The following CADM2 variants were observed in gnomAD, a reference collection of about 807,000 sequenced individuals.
The protein encoded by CADM2 is immunoglobulin superfamily member 4D.
A neutral mutation model predicts 49.8 loss-of-function variants in CADM2; 12 were observed. The observed-to-expected ratio is 0.24, with a 90% CI of 0.15 to 0.39. The LOEUF (loss-of-function observed/expected upper bound fraction) is 0.39, where lower values mean the gene tolerates loss of function less well. Ranked by LOEUF, CADM2 falls within the 10% of genes least tolerant of loss-of-function variation. CADM2 has a pLI of 1.00. For synonymous variants in CADM2, 214 were observed against 175.4 expected (o/e 1.22, Z -1.74); for missense variants, 378 against 492.3 (o/e 0.77, Z 2.20).
intron 3 of CADM2, among the ~76,000 whole-genome samples, chr3:85,855,924 C>A (rs1348080052): frequency 6.6e-6 from 1 of 151,930 alleles, no homozygotes; most frequent in Admixed American, 6.6e-5. Flanking sequence ...CCATGCCCGG[C>A]CAAAAAATAT....
At chr3:85,668,798 A>C (rs2065651139) in intron 1 of CADM2, among the ~76,000 whole-genome samples, 1 of 152,042 alleles carries the variant, frequency 6.6e-6, no homozygotes, top group Non-Finnish European at 1.5e-5. Context: ...CTAATATAAT[A>C]ATTCATCTAT....
intron 4 of CADM2, among the ~76,000 whole-genome samples, chr3:85,884,223 A>C (rs983530606): frequency 2.6e-5 from 4 of 152,190 alleles, no homozygotes; most frequent in Non-Finnish European, 5.9e-5. Flanking sequence ...TGAACAAGTT[A>C]GAAGAATTTA....
At chr3:85,107,892 G>C (rs1357501499) in intron 1 of CADM2, among the ~76,000 whole-genome samples, 1 of 151,200 alleles carries the variant, frequency 6.6e-6, no homozygotes, top group Non-Finnish European at 1.5e-5. Context: ...GTATAGATAG[G>C]GTTTTGCAAT....
rs1423641954 is a variant in CADM2 at position 85,401,571 on chromosome 3, G to A, written c.62-324951G>A. 2.6e-5 allele frequency among the ~76,000 whole-genome samples: 4 copies of A among 152,126 alleles called. No individual in the cohort carries two copies. In the East Asian group the frequency reaches 7.7e-4, roughly 29 times the overall value. On this transcript the variant is annotated intron_variant, in intron 1 of 9. Coordinates refer to ENST00000383699, the MANE Select transcript of CADM2 (RefSeq NM_001167675.2). ...GCATCTATCCAAGGACACTTAGATT[G>A]AAGGAGGACATTCTGGATGCCCAGA... is the stretch of plus-strand genomic sequence containing the variant.
rs572151139 is a variant in CADM2 at position 85,449,139 on chromosome 3, T to A, written c.62-277383T>A. On this transcript the variant is annotated intron_variant, in intron 1 of 9. Coordinates refer to ENST00000383699, the MANE Select transcript of CADM2 (RefSeq NM_001167675.2). ...ATTCTCCTGGAATATTTGTATAGAA[T>A]TTTTGTATATAAAGAGATAATTCAG... Among the ~76,000 whole-genome samples the A allele has an allele frequency of 3.4e-3, 519 of 150,720 alleles. 4 individuals are homozygous for A. Among genetic ancestry groups the A allele is most frequent in the African/African-American group, 0.012 (493 of 41,368 alleles).
chr3:85,359,666 A>ATATATATT, intron 1 of CADM2, among the ~76,000 whole-genome samples: 17 of 26,554 alleles, frequency 6.4e-4, no homozygotes, highest in South Asian at 2.8e-3. Context: ...ATATATATAT[A>ATATATATT]TTTTTTTTTT....
chr3:85,013,012 C>A (rs2034069870), intron 1 of CADM2, among the ~76,000 whole-genome samples: 1 of 151,358 alleles, frequency 6.6e-6, no homozygotes, highest in South Asian at 2.1e-4. Flanking sequence ...TACCTGAAGT[C>A]TTTTTTAAGC....
At chr3:85,329,444 C>T (rs1394009523) in intron 1 of CADM2, among the ~76,000 whole-genome samples, 1 of 151,844 alleles carries the variant, frequency 6.6e-6, no homozygotes, top group Admixed American at 6.6e-5. Flanking sequence ...GTGGTGCACA[C>T]CTGTAATCCC....
At chr3:85,908,970 C>T (rs1318849830) in intron 5 of CADM2, among the ~76,000 whole-genome samples, 7 of 152,102 alleles carry the variant, frequency 4.6e-5, no homozygotes, top group African/African-American at 1.7e-4. Flanking sequence ...GTGATCCTCC[C>T]ACCTCGGCCT....
chr3:85,911,078 A>ATACT (rs1030193725), intron 5 of CADM2, among the ~76,000 whole-genome samples: 99 of 152,226 alleles, frequency 6.5e-4, no homozygotes, highest in African/African-American at 2.4e-3. Context: ...TTAAAATCAA[A>ATACT]TTATGTATTT....
Position 85,080,309 on chromosome 3 carries a change from G to A in CADM2, c.61+120641G>A, listed in dbSNP as rs201413467. Among the ~76,000 whole-genome samples, 1,103 of 151,884 alleles carry A rather than the reference G, an allele frequency of 7.3e-3. 12 individuals are homozygous for A. Among genetic ancestry groups the A allele is most frequent in the African/African-American group, 0.025 (1,030 of 41,450 alleles). ...TATTTCACTGTGTAGTCACTTTAGC[G>A]GACCATGGATTCATGCTTGGTCAAA... On this transcript the variant is annotated intron_variant, in intron 1 of 9. Transcript: ENST00000383699.
intron 1 of CADM2, among the ~76,000 whole-genome samples, chr3:85,153,326 A>G (rs549597598): frequency 5.9e-5 from 9 of 152,324 alleles, no homozygotes; most frequent in Admixed American, 2.0e-4. Flanking sequence ...GGGGTGGCAG[A>G]TGGCACCTGG....
intron 1 of CADM2, among the ~76,000 whole-genome samples, chr3:85,272,992 A>C (rs113404740): frequency 2.6e-5 from 4 of 151,232 alleles, no homozygotes; most frequent in African/African-American, 9.7e-5. Flanking sequence ...AGGGTAACTG[A>C]AGTGCCAAGA....
chr3:85,086,867 A>G (rs1435030619), intron 1 of CADM2, among the ~76,000 whole-genome samples: 1 of 152,154 alleles, frequency 6.6e-6, no homozygotes, highest in Non-Finnish European at 1.5e-5. Flanking sequence ...TCAGATATTT[A>G]TTAGCACTTT....
At chr3:85,984,909 T>C (rs1727909745) in intron 8 of CADM2, among the ~76,000 whole-genome samples, 1 of 151,970 alleles carries the variant, frequency 6.6e-6, no homozygotes, top group African/African-American at 2.4e-5. Context: ...ATGAGATTCG[T>C]TGCAACAGAA....
At chr3:85,770,415 C>T (rs1036211517) in intron 2 of CADM2, among the ~76,000 whole-genome samples, 8 of 152,122 alleles carry the variant, frequency 5.3e-5, no homozygotes, top group East Asian at 1.9e-4. Context: ...TCAAGCAATC[C>T]TGATCCTTCC....
chr3:85,770,629 T>C (rs1217360769), intron 2 of CADM2, among the ~76,000 whole-genome samples: 1 of 152,144 alleles, frequency 6.6e-6, no homozygotes, highest in Non-Finnish European at 1.5e-5. Context: ...GGAGATTAAA[T>C]ATGAAGATTG....
intron 5 of CADM2, among the ~76,000 whole-genome samples, chr3:85,905,376 A>G (rs558699734): frequency 2.0e-4 from 30 of 152,334 alleles, no homozygotes; most frequent in African/African-American, 6.3e-4. Flanking sequence ...AAAGAGATAA[A>G]CTACAAAGAA....
intron 8 of CADM2, among the ~76,000 whole-genome samples, chr3:85,966,788 A>G (rs1213998963): frequency 6.6e-6 from 1 of 151,580 alleles, no homozygotes; most frequent in Non-Finnish European, 1.5e-5. Flanking sequence ...TTATTTGTTC[A>G]TGTGTCTATT....
Sources: gnomAD v4.1 joint callset for allele counts (sites outside exome capture counted in the v4.1 genomes callset) on GRCh38, gnomAD v4.1.1 for gene constraint, MANE v1.5 for transcripts, NCBI Gene and HGNC (gene_info 2026-07-23, HGNC 2026-07-21) for gene names.